Variants in TMEM132C observed in about 807,000 individuals in gnomAD.
The protein encoded by TMEM132C is transmembrane protein 132C, also known as protein phosphatase 1, regulatory subunit 152.
A neutral mutation model predicts 61.4 loss-of-function variants in TMEM132C; 29 were observed. The observed-to-expected ratio is 0.47, with a 90% CI of 0.35 to 0.64. TMEM132C has a LOEUF of 0.64. Among genes scored for constraint, TMEM132C ranks in the 30% least tolerant of loss-of-function variants. The pLI, the probability that TMEM132C is intolerant of heterozygous loss-of-function variation, is 0.00. For synonymous variants in TMEM132C, 656 were observed against 633.1 expected (o/e 1.04, Z -0.54); for missense variants, 1,408 against 1,476.9 (o/e 0.95, Z 0.76).
intron 2 of TMEM132C, among the ~76,000 whole-genome samples, chr12:128,533,893 C>A (rs1422673526): frequency 6.6e-6 from 1 of 152,030 alleles, no homozygotes; most frequent in Non-Finnish European, 1.5e-5. Context: ...TACCCGCCCT[C>A]CCATCCGTGC....
chr12:128,411,907 T>TTAC (rs1868565520), intron 1 of TMEM132C, among the ~76,000 whole-genome samples: 1 of 152,226 alleles, frequency 6.6e-6, no homozygotes, highest in Non-Finnish European at 1.5e-5. Flanking sequence ...ACCCCTTCCC[T>TTAC]TACGGTGAGA....
chr12:128,455,442 TGTG>T (rs377415947), intron 2 of TMEM132C, among the ~76,000 whole-genome samples: 1 of 152,290 alleles, frequency 6.6e-6, no homozygotes, highest in East Asian at 1.9e-4. Flanking sequence ...GAAGCAGTAT[TGTG>T]GTCCTGAAAG....
chr12:128,689,020 G>A (rs1306548398), intron 5 of TMEM132C, among the ~76,000 whole-genome samples: 1 of 151,770 alleles, frequency 6.6e-6, no homozygotes, highest in African/African-American at 2.4e-5. Flanking sequence ...GTTTCACCAT[G>A]TTGGCCAGGC....
intron 1 of TMEM132C, among the ~76,000 whole-genome samples, chr12:128,321,520 G>A: frequency 6.6e-6 from 1 of 152,218 alleles, no homozygotes; most frequent in East Asian, 1.9e-4. Context: ...TATAAAGGGA[G>A]AAAGGAGGGC....
At chr12:128,564,000 T>C (rs1364779251) in intron 3 of TMEM132C, among the ~76,000 whole-genome samples, 1 of 152,188 alleles carries the variant, frequency 6.6e-6, no homozygotes, top group Non-Finnish European at 1.5e-5. Flanking sequence ...TAAACCTTTA[T>C]TTCTCAAAGT....
intron 1 of TMEM132C, among the ~76,000 whole-genome samples, chr12:128,358,129 A>G (rs919332368): frequency 1.3e-5 from 2 of 152,154 alleles, no homozygotes; most frequent in Non-Finnish European, 2.9e-5. Flanking sequence ...GGCCCTGGGC[A>G]GAGAGGCCCA....
At chr12:128,389,202 A>G (rs1419627159) in intron 1 of TMEM132C, among the ~76,000 whole-genome samples, 9 of 152,192 alleles carry the variant, frequency 5.9e-5, no homozygotes, top group Admixed American at 5.9e-4. Context: ...AATTCCAGAT[A>G]CTGATCTGGG....
chr12:128,341,148 C>T (rs1474945560), intron 1 of TMEM132C, among the ~76,000 whole-genome samples: 1 of 152,020 alleles, frequency 6.6e-6, no homozygotes, highest in Non-Finnish European at 1.5e-5. Flanking sequence ...ACCATCTTGG[C>T]CGGGCTGGTC....
chr12:128,321,593 TG>T (rs1296529068), intron 1 of TMEM132C, among the ~76,000 whole-genome samples: 2 of 152,076 alleles, frequency 1.3e-5, no homozygotes, highest in African/African-American at 4.8e-5. Flanking sequence ...AACCTACACA[TG>T]GGAAAACATT....
chr12:128,365,338 G>A (rs1337497386), intron 1 of TMEM132C, among the ~76,000 whole-genome samples: 2 of 152,198 alleles, frequency 1.3e-5, no homozygotes, highest in Non-Finnish European at 2.9e-5. Flanking sequence ...CCAGCTTGGT[G>A]TGAGTACTCA....
intron 1 of TMEM132C, among the ~76,000 whole-genome samples, chr12:128,313,080 T>C: frequency 6.6e-6 from 1 of 152,222 alleles, no homozygotes; most frequent in East Asian, 1.9e-4. Context: ...TGCTGCTTCC[T>C]CTGGCAGCCT....
intron 3 of TMEM132C, among the ~76,000 whole-genome samples, chr12:128,556,654 G>A (rs1874337489): frequency 6.6e-6 from 1 of 152,182 alleles, no homozygotes; most frequent in South Asian, 2.1e-4. Context: ...CTGAGCAGAA[G>A]TGATGCTATG....
chr12:128,705,465 C>T lies in TMEM132C; in HGVS notation c.2497C>T (p.Arg833Cys), dbSNP rs574571083. Residue 833 changes from arginine to cysteine, a missense_variant, in exon 9 of 9, where the codon CGC becomes TGC. Transcript: ENST00000435159. ...CCGGCAGAAGGGCCAGCACCATGAG[C>T]GCACAGGCCAAGATGGGCACCTCTA... ...DRRQKGQHHERTGQDGHLYGS... is the reference protein window; with the variant it reads ...DRRQKGQHHECTGQDGHLYGS... 7.7e-6 allele frequency: 12 copies of T among 1,551,060 alleles called. No individual in the cohort carries two copies. The highest frequency in any genetic ancestry group is 4.9e-5 in the East Asian group (2 of 40,892).
chr12:128,330,252 T>A (rs2135944263), intron 1 of TMEM132C, among the ~76,000 whole-genome samples: 2 of 152,346 alleles, frequency 1.3e-5, no homozygotes, highest in Middle Eastern at 6.8e-3. Flanking sequence ...GCCCACATCA[T>A]GTTCTCTTTA....
intron 1 of TMEM132C, among the ~76,000 whole-genome samples, chr12:128,274,159 C>T (rs938012898): frequency 1.2e-4 from 18 of 152,212 alleles, no homozygotes; most frequent in African/African-American, 3.4e-4. Flanking sequence ...AGTTATTCTC[C>T]CAGAGAGACT....
chr12:128,705,439 G>A lies in TMEM132C; in HGVS notation c.2471G>A (p.Arg824His), dbSNP rs367776856. ...GAGATCAAGAACCACGCCAGCGACC[G>A]CCGGCAGAAGGGCCAGCACCATGAG... Reference protein sequence around the residue: ...EDEIKNHASDRRQKGQHHERT... With the variant: ...EDEIKNHASDHRQKGQHHERT... The change falls in exon 9 of 9, where the codon CGC (arginine) becomes CAC (histidine). Residue 824 changes from arginine to histidine, a missense_variant. By Grantham distance (29) the Arg-to-His change is conservative. Transcript: ENST00000435159. 2.6e-5 allele frequency: 40 copies of A among 1,550,826 alleles called. No individual in the cohort carries two copies. Among genetic ancestry groups the A allele is most frequent in the Admixed American group, 5.9e-5 (3 of 50,980 alleles).
chr12:128,470,853 C>A (rs1421920551), intron 2 of TMEM132C, among the ~76,000 whole-genome samples: 1 of 152,222 alleles, frequency 6.6e-6, no homozygotes, highest in African/African-American at 2.4e-5. Context: ...AGTGAATGTG[C>A]TGTGTGCCAA....
rs182774155 is a variant in TMEM132C, at chr12:128,326,239, A to G, written c.85+58752A>G. 1.5e-4 allele frequency among the ~76,000 whole-genome samples: 23 copies of G among 152,182 alleles called. No homozygotes were observed. In the East Asian group the frequency reaches 3.1e-3, roughly 20 times the overall value. Reference sequence around the variant, plus strand: ...TAAGACAAAAATCTGTCTTGGTTTGAGCACCTCCATTCCTCCCCACCACCA... The same window carrying G: ...TAAGACAAAAATCTGTCTTGGTTTGGGCACCTCCATTCCTCCCCACCACCA... On this transcript the variant is annotated intron_variant, in intron 1 of 8. Coordinates refer to ENST00000435159, the MANE Select transcript of TMEM132C (RefSeq NM_001136103.3). This position sits in a 1 kb window ranked among gnomAD's most constrained non-coding sequence, Gnocchi z 5.6.
At chr12:128,340,942 C>CTCTCTT (rs1555218760) in intron 1 of TMEM132C, among the ~76,000 whole-genome samples, 7 of 92,350 alleles carry the variant, frequency 7.6e-5, no homozygotes, top group Admixed American at 3.0e-4. Context: ...CTCTCTCTCT[C>CTCTCTT]TCTTTCTTTC....
Sources: allele counts gnomAD v4.1 joint callset (sites outside exome capture counted in the v4.1 genomes callset), GRCh38; gene constraint gnomAD v4.1.1; non-coding constraint Gnocchi (gnomAD v3.1); transcripts MANE v1.5; gene names NCBI Gene and HGNC (gene_info 2026-07-23, HGNC 2026-07-21).